TRIM2: variants seen among roughly 807,000 people sequenced by gnomAD.
TRIM2 encodes the protein tripartite motif-containing protein 2.
In TRIM2, 20 loss-of-function variants were observed where a neutral mutation model predicts 75.2. That is an observed-to-expected ratio of 0.27 (90% CI 0.19 to 0.39). The LOEUF (loss-of-function observed/expected upper bound fraction) is 0.39. Among genes scored for constraint, TRIM2 ranks in the 10% least tolerant of loss-of-function variants. The probability of loss-of-function intolerance (pLI) is 1.00; values close to 1 mark genes in which losing one functional copy is unlikely to be tolerated. For synonymous variants in TRIM2, 373 were observed against 388.3 expected (o/e 0.96, Z 0.46); for missense variants, 660 against 990.8 (o/e 0.67, Z 4.48).
At position 153,176,968 on chromosome 4, in the gene TRIM2, A is replaced by C. The variant is rs371837174; in HGVS notation, c.-49+23698A>C. Among the ~76,000 whole-genome samples, 28 of 152,346 alleles carry C rather than the reference A, an allele frequency of 1.8e-4. 1 individual carries two copies. The East Asian group carries it at 4.4e-3, about 24-fold the overall frequency. The stretch of plus-strand genomic sequence containing the variant: ...ATTCAGCTGTGACAGAAAACCCATG[A>C]AAATAGCTTAATCAAGAGTGAGGTT... On this transcript the variant is annotated intron_variant, in intron 1 of 11. Transcript: ENST00000437508.
intron 1 of TRIM2, among the ~76,000 whole-genome samples, chr4:153,216,861 C>T (rs143828241): frequency 3.3e-5 from 5 of 152,142 alleles, no homozygotes; most frequent in African/African-American, 7.2e-5. Context: ...AAGGGGAGCC[C>T]TCATGATCTA....
chr4:153,287,507 C>T (rs886337183), intron 3 of TRIM2, among the ~76,000 whole-genome samples: 3 of 152,098 alleles, frequency 2.0e-5, no homozygotes, highest in Non-Finnish European at 2.9e-5. Flanking sequence ...TCCTCTATTC[C>T]TCCATTACTG....
At chr4:153,257,860 A>G in intron 1 of TRIM2, 1 of 336,968 alleles carries the variant, frequency 3.0e-6, no homozygotes, top group South Asian at 2.4e-5. Context: ...TTCATCTCTC[A>G]TGGTGATGCT....
intron 9 of TRIM2, 52 bp downstream of exon 9, chr4:153,322,868 C>T: frequency 1.2e-6 from 2 of 1,603,788 alleles, no homozygotes; most frequent in Non-Finnish European, 8.5e-7. Context: ...CTTCTGCTCA[C>T]ATTTGCATGA....
intron 1 of TRIM2, among the ~76,000 whole-genome samples, chr4:153,188,478 TA>T (rs150271158): frequency 0.048 from 7,255 of 152,054 alleles, 215 homozygotes; most frequent in South Asian, 0.061. Flanking sequence ...AAAAACCCCA[TA>T]AAAAAACAAA....
intron 3 of TRIM2, among the ~76,000 whole-genome samples, chr4:153,285,906 A>C (rs2150106524): frequency 6.6e-6 from 1 of 152,290 alleles, no homozygotes; most frequent in African/African-American, 2.4e-5. Flanking sequence ...CAGCACCTTC[A>C]GTACACCGTT....
intron 1 of TRIM2, among the ~76,000 whole-genome samples, chr4:153,157,529 G>A (rs1729346329): frequency 6.6e-6 from 1 of 152,210 alleles, no homozygotes; most frequent in Non-Finnish European, 1.5e-5. Flanking sequence ...AGGAGCAGAA[G>A]CCACATCAGC....
intron 1 of TRIM2, among the ~76,000 whole-genome samples, chr4:153,256,267 T>A (rs1235838009): frequency 6.6e-6 from 1 of 152,238 alleles, no homozygotes; most frequent in Non-Finnish European, 1.5e-5. Context: ...TGCTGTATTC[T>A]CTGTGATCCC....
intron 1 of TRIM2, among the ~76,000 whole-genome samples, chr4:153,210,565 A>C (rs181540218): frequency 8.9e-4 from 135 of 152,328 alleles, no homozygotes; most frequent in African/African-American, 3.2e-3. Context: ...CATGCAGGTT[A>C]TTCCACTGGG....
At chr4:153,227,651 A>G (rs1351424452) in intron 1 of TRIM2, among the ~76,000 whole-genome samples, 1 of 152,156 alleles carries the variant, frequency 6.6e-6, no homozygotes, top group Non-Finnish European at 1.5e-5. Context: ...GCTTGCCCGT[A>G]TGTCCTCAGC....
intron 3 of TRIM2, among the ~76,000 whole-genome samples, chr4:153,276,776 G>C (rs762646931): frequency 1.2e-4 from 19 of 152,136 alleles, no homozygotes; most frequent in African/African-American, 1.7e-4. Flanking sequence ...TTCAAATCCT[G>C]CTCTTAAACT....
intron 1 of TRIM2, among the ~76,000 whole-genome samples, chr4:153,170,729 C>G (rs1291933872): frequency 6.6e-6 from 1 of 152,116 alleles, no homozygotes; most frequent in Non-Finnish European, 1.5e-5. Flanking sequence ...GAACCCTATG[C>G]CAGGGAGCTC....
At chr4:153,238,229 A>G (rs112377587) in intron 1 of TRIM2, among the ~76,000 whole-genome samples, 1 of 152,358 alleles carries the variant, frequency 6.6e-6, no homozygotes, top group African/African-American at 2.4e-5. Flanking sequence ...AAACCAGTCC[A>G]TAAGCCAATT....
At chr4:153,241,300 T>C (rs1746514561) in intron 1 of TRIM2, among the ~76,000 whole-genome samples, 1 of 152,170 alleles carries the variant, frequency 6.6e-6, no homozygotes, top group African/African-American at 2.4e-5. Context: ...CTCTGGCTAA[T>C]GTCTAGGCAG....
At chr4:153,205,234 G>C (rs942080599) in intron 1 of TRIM2, among the ~76,000 whole-genome samples, 2 of 152,148 alleles carry the variant, frequency 1.3e-5, no homozygotes, top group African/African-American at 2.4e-5. Flanking sequence ...TGTGAGTCGG[G>C]GGTGAAGCCT....
At chr4:153,298,347 TAGAAGTC>T (rs1763171095) in intron 6 of TRIM2, among the ~76,000 whole-genome samples, 3 of 152,214 alleles carry the variant, frequency 2.0e-5, no homozygotes, top group African/African-American at 7.2e-5. Flanking sequence ...GTTTTAGAGT[TAGAAGTC>T]CAAAATCCAG....
At position 153,271,504 on chromosome 4, in the gene TRIM2, G is replaced by A. The variant is rs193004833; in HGVS notation, c.215+985G>A. 2.4e-3 allele frequency among the ~76,000 whole-genome samples: 370 copies of A among 152,286 alleles called. 1 individual carries two copies. Among genetic ancestry groups the A allele is most frequent in the Non-Finnish European group, 3.6e-3 (247 of 68,022 alleles). ...AACCATATCCTTCATGGTGGTGATG[G>A]ATAGAAGGAGAAGGTAGATTTGTTA... is the stretch of plus-strand genomic sequence containing the variant. On this transcript the variant is annotated intron_variant, in intron 2 of 11. Coordinates refer to ENST00000338700, the MANE Select transcript of TRIM2 (RefSeq NM_015271.5).
At chr4:153,235,058 G>C (rs75088219) in intron 1 of TRIM2, among the ~76,000 whole-genome samples, 5,272 of 152,066 alleles carry the variant, frequency 0.035, 114 homozygotes, top group Non-Finnish European at 0.047. Flanking sequence ...ATGTCTTCAG[G>C]TTTCCTCTGC....
rs1031184463 is a variant in TRIM2 at position 153,338,881 on chromosome 4, A to G, written c.*3915A>G. The G allele has an allele frequency of 1.0e-6, 1 of 985,206 alleles. No homozygotes were observed. The highest frequency in any genetic ancestry group is 1.8e-5 in the African/African-American group (1 of 57,108). The allele number at this position is 985,206 out of a possible 1,614,324, so 61.0% of individuals were successfully genotyped here. ...GAATGTTCTGTCATCAATGGAGTGTATTCTTGTAATAGAATTCTTTATATC... is the reference window on the plus strand; with the variant it reads ...GAATGTTCTGTCATCAATGGAGTGTGTTCTTGTAATAGAATTCTTTATATC... On this transcript the variant is annotated 3_prime_UTR_variant, in exon 12 of 12. Transcript: ENST00000338700.
Sources: allele counts gnomAD v4.1 joint callset (sites outside exome capture counted in the v4.1 genomes callset), GRCh38; gene constraint gnomAD v4.1.1; transcripts MANE v1.5; gene names NCBI Gene and HGNC (gene_info 2026-07-23, HGNC 2026-07-21).